Variants in RIGI observed in about 807,000 individuals in gnomAD.
The protein encoded by RIGI is RNA sensor RIG-I.
the RIGI span, among the ~76,000 whole-genome samples, chr9:32,465,761 G>A: frequency 6.6e-6 from 1 of 152,172 alleles, no homozygotes; most frequent in Non-Finnish European, 1.5e-5. Flanking sequence ...CAATGGGTCT[G>A]GAGAAAGTAT....
At chr9:32,505,826 G>A in the RIGI span, among the ~76,000 whole-genome samples, 75 of 152,214 alleles carry the variant, frequency 4.9e-4, no homozygotes, top group Non-Finnish European at 6.9e-4. Context: ...ACTAAAATGC[G>A]TTTAGTACAC....
the RIGI span, among the ~76,000 whole-genome samples, chr9:32,462,370 A>G: frequency 1.3e-5 from 2 of 150,932 alleles, no homozygotes; most frequent in Non-Finnish European, 2.9e-5. Context: ...TTCAAATTCA[A>G]ATTTGCTTTA....
At chr9:32,463,532 A>G in the RIGI span, among the ~76,000 whole-genome samples, 1 of 152,242 alleles carries the variant, frequency 6.6e-6, no homozygotes, top group African/African-American at 2.4e-5. Flanking sequence ...CTGAAATTCA[A>G]TTAAATACTA....
At chr9:32,500,854 G>A in the RIGI span, 5 of 1,614,122 alleles carry the variant, frequency 3.1e-6, no homozygotes, top group Non-Finnish European at 4.2e-6. Flanking sequence ...CTTCCTCCTG[G>A]AGCTCCAACA....
chr9:32,468,837 C>T, the RIGI span, among the ~76,000 whole-genome samples: 13 of 152,276 alleles, frequency 8.5e-5, no homozygotes, highest in African/African-American at 2.9e-4. Context: ...CTGCCACACC[C>T]ACCCACAATA....
At chr9:32,493,661 G>A in the RIGI span, 1 of 787,612 alleles carries the variant, frequency 1.3e-6, no homozygotes, top group East Asian at 3.0e-5. Context: ...ACTTTTGTGG[G>A]TTTCAATGAT....
the RIGI span, among the ~76,000 whole-genome samples, chr9:32,481,742 C>G: frequency 9.9e-5 from 15 of 152,234 alleles, no homozygotes; most frequent in East Asian, 5.8e-4. Flanking sequence ...TGTGCCATCA[C>G]GCCTGGCTAA....
chr9:32,496,708 C>T, the RIGI span, among the ~76,000 whole-genome samples: 108 of 152,322 alleles, frequency 7.1e-4, no homozygotes, highest in African/African-American at 2.4e-3. Flanking sequence ...CATATGTACA[C>T]ACACATAAAT....
the RIGI span, among the ~76,000 whole-genome samples, chr9:32,484,921 G>T: frequency 6.6e-6 from 1 of 152,112 alleles, no homozygotes; most frequent in African/African-American, 2.4e-5. Context: ...AGAAAGCAAT[G>T]AACTGACTTA....
At chr9:32,499,445 G>GTTTA in the RIGI span, among the ~76,000 whole-genome samples, 10,612 of 150,468 alleles carry the variant, frequency 0.071, 1,140 homozygotes, top group African/African-American at 0.23. Context: ...TAAATACAGG[G>GTTTA]TTTATTTATT....
the RIGI span, among the ~76,000 whole-genome samples, chr9:32,511,430 A>C: frequency 6.6e-6 from 1 of 152,222 alleles, no homozygotes; most frequent in East Asian, 1.9e-4. Flanking sequence ...TAAGAAACTC[A>C]CTCAAAACTG....
At chr9:32,524,293 C>G in the RIGI span, among the ~76,000 whole-genome samples, 14 of 152,166 alleles carry the variant, frequency 9.2e-5, no homozygotes, top group African/African-American at 3.4e-4. Flanking sequence ...TAACATAATA[C>G]TGACACGAGT....
At chr9:32,457,502 A>AGAAAC in the RIGI span, 6 of 1,138,586 alleles carry the variant, frequency 5.3e-6, no homozygotes, top group Non-Finnish European at 6.0e-6. Flanking sequence ...AAAAAAGAAA[A>AGAAAC]CCCCACAATA....
chr9:32,459,747 C>CA, the RIGI span, among the ~76,000 whole-genome samples: 1 of 152,040 alleles, frequency 6.6e-6, no homozygotes, highest in South Asian at 2.1e-4. Context: ...ATTTCTTCAT[C>CA]AAAAATGCTC....
chr9:32,473,006 C>A, the RIGI span: 2 of 1,610,198 alleles, frequency 1.2e-6, no homozygotes, highest in South Asian at 2.2e-5. Context: ...CACGTCCAGT[C>A]AATATGCCAG....
At chr9:32,513,250 C>T in the RIGI span, among the ~76,000 whole-genome samples, 1 of 152,094 alleles carries the variant, frequency 6.6e-6, no homozygotes, top group Non-Finnish European at 1.5e-5. Context: ...CAAAAAAGAG[C>T]CCACATAGCC....
chr9:32,465,044 G>A, the RIGI span, among the ~76,000 whole-genome samples: 10 of 152,094 alleles, frequency 6.6e-5, no homozygotes, highest in African/African-American at 2.4e-4. Flanking sequence ...TGTCACCTAG[G>A]AGAAGAGATA....
the RIGI span, chr9:32,491,443 TA>T: frequency 6.4e-7 from 1 of 1,570,848 alleles, no homozygotes; most frequent in Non-Finnish European, 8.7e-7. Flanking sequence ...AAAAAAGTCT[TA>T]GAATCTTCAC....
At chr9:32,480,742 T>G in the RIGI span, among the ~76,000 whole-genome samples, 1 of 152,248 alleles carries the variant, frequency 6.6e-6, no homozygotes, top group Admixed American at 6.5e-5. Context: ...ATCACTAAAT[T>G]GTCAGTGTAC....
Sources: allele counts gnomAD v4.1 joint callset (sites outside exome capture counted in the v4.1 genomes callset), GRCh38; gene constraint gnomAD v4.1.1; transcripts MANE v1.5; gene names NCBI Gene and HGNC (gene_info 2026-07-23, HGNC 2026-07-21).